SMAD2: variants seen among roughly 807,000 people sequenced by gnomAD.
The protein encoded by SMAD2 is MAD homolog 2.
Under a neutral mutation model 64.4 loss-of-function variants are expected in SMAD2, and 8 were observed. The ratio of observed to expected loss-of-function variants is 0.12; its 90% CI spans 0.07 to 0.22. The LOEUF (loss-of-function observed/expected upper bound fraction) is 0.22, where lower values mean the gene tolerates loss of function less well. Among genes scored for constraint, SMAD2 ranks in the 10% least tolerant of loss-of-function variants. The pLI is 1.00. For missense variants in SMAD2, 289 were observed against 561.2 expected, an observed-to-expected ratio of 0.51 and a Z score of 4.90; for synonymous variants, 203 against 195.8, an observed-to-expected ratio of 1.04 and a Z score of -0.31.
chr18:47,866,671 T>C (rs990125924), intron 5 of SMAD2, among the ~76,000 whole-genome samples: 3 of 152,182 alleles, frequency 2.0e-5, no homozygotes, highest in African/African-American at 7.2e-5. Flanking sequence ...TTTTCCATTA[T>C]TGTAATAAAT....
intron 2 of SMAD2, among the ~76,000 whole-genome samples, chr18:47,892,739 T>C (rs1187162179): frequency 6.6e-6 from 1 of 152,316 alleles, no homozygotes; most frequent in South Asian, 2.1e-4. Flanking sequence ...GAAAAAATGA[T>C]ACTGAAACAA....
rs2033705931 is a variant in SMAD2, at chr18:47,902,022, A to G, written c.-53-5213T>C. Reference sequence around the variant, plus strand: ...ATCTTTATCTCAACACCATAGGACTAGAAAATATCCCAATCTCCTTTTCTG... The same window carrying G: ...ATCTTTATCTCAACACCATAGGACTGGAAAATATCCCAATCTCCTTTTCTG... On this transcript the variant is annotated intron_variant, in intron 1 of 10. Transcript: ENST00000262160. Among the ~76,000 whole-genome samples, 2 of 152,166 alleles carry G rather than the reference A, an allele frequency of 1.3e-5. 1 individual carries two copies. The highest frequency in any genetic ancestry group is 2.9e-5 in the Non-Finnish European group (2 of 68,024).
chr18:47,865,233 A>C, intron 5 of SMAD2, 100 bp from the exon 6 acceptor site: 1 of 699,430 alleles, frequency 1.4e-6, no homozygotes, highest in East Asian at 2.7e-5. Flanking sequence ...CAAATAACAA[A>C]TAATAATGTT....
chr18:47,908,341 G>C (rs948604), intron 1 of SMAD2, among the ~76,000 whole-genome samples: 1 of 151,926 alleles, frequency 6.6e-6, no homozygotes. Flanking sequence ...TAATTGACCC[G>C]TGGACAACAT....
rs534227911 is a variant in SMAD2 at position 47,846,068 on chromosome 18, T to C, written c.998-268A>G. Among the ~76,000 whole-genome samples the C allele has an allele frequency of 2.0e-5, 3 of 152,278 alleles. No individual in the cohort carries two copies. In the East Asian group the frequency reaches 5.8e-4, roughly 29 times the overall value. On this transcript the variant is annotated intron_variant, in intron 8 of 10. Transcript: ENST00000262160. ...AGAAAAAGTACACATAGTAAAATAGTTTCATACAAATGATATATATTAAGA... is the reference window on the plus strand; with the variant it reads ...AGAAAAAGTACACATAGTAAAATAGCTTCATACAAATGATATATATTAAGA...
chr18:47,832,140 C>CCAAA lies in SMAD2; in HGVS notation c.*9683_*9686dup, dbSNP rs1188410797. The CCAAA allele has an allele frequency of 6.6e-6, 1 of 152,134 alleles. No individual in the cohort carries two copies. The highest frequency in any genetic ancestry group is 6.6e-5 in the Admixed American group (1 of 15,264). The allele number at this position is 152,134 out of a possible 1,614,324, so 9.4% of individuals were successfully genotyped here. On this transcript the variant is annotated 3_prime_UTR_variant, in exon 11 of 11. Transcript: ENST00000262160. Reference sequence around the variant, plus strand: ...AGAATATGCCAAGTGGGGAGACAGCCCAAACATAGACCTTAATACTTCTCT... The same window carrying CCAAA: ...AGAATATGCCAAGTGGGGAGACAGCCCAAACAAACATAGACCTTAATACTTCTCT...
intron 6 of SMAD2, 129 bp downstream of exon 6, chr18:47,864,930 T>C: frequency 4.4e-6 from 3 of 678,656 alleles, no homozygotes; most frequent in Admixed American, 2.1e-5. Flanking sequence ...TAAATCAAGA[T>C]AGAAGATCAT....
chr18:47,869,134 A>T, intron 4 of SMAD2, 109 bp downstream of exon 4: 5 of 764,234 alleles, frequency 6.5e-6, no homozygotes, highest in Non-Finnish European at 1.1e-5. Context: ...AATTTAAGGT[A>T]ATTTATTAGA....
chr18:47,907,199 G>GT (rs1374156382), intron 1 of SMAD2, among the ~76,000 whole-genome samples: 2 of 152,102 alleles, frequency 1.3e-5, no homozygotes, highest in Non-Finnish European at 2.9e-5. Flanking sequence ...AAATAAATAC[G>GT]TATGTCCACA....
intron 1 of SMAD2, among the ~76,000 whole-genome samples, chr18:47,928,932 A>G (rs1044778838): frequency 2.6e-5 from 4 of 152,244 alleles, no homozygotes; most frequent in Non-Finnish European, 5.9e-5. Context: ...ATGCCGAAAG[A>G]TGTGAACTAT....
intron 2 of SMAD2, among the ~76,000 whole-genome samples, chr18:47,892,443 G>A (rs538824601): frequency 6.6e-6 from 1 of 152,248 alleles, no homozygotes; most frequent in East Asian, 1.9e-4. Flanking sequence ...CAGGTGATCT[G>A]CCTGCCTCGG....
rs1219507365 is a variant in SMAD2 at position 47,903,864 on chromosome 18, GAAAAA to G, written c.-53-7060_-53-7056del. On this transcript the variant is annotated intron_variant, in intron 1 of 10. Transcript: ENST00000262160. ...GTATGCAAATTGAAACACAAAGAGG[GAAAAA>G]ACAGTGTGGGGGGGGGGGGGACTCA... Among the ~76,000 whole-genome samples the G allele has an allele frequency of 4.7e-4, 28 of 59,734 alleles. No homozygotes were observed. In the East Asian group the frequency reaches 0.028, roughly 59 times the overall value. The allele number at this position is 59,734 out of a possible 152,430, so 39.2% of individuals were successfully genotyped here.
Position 47,837,707 on chromosome 18 carries a change from AG to A in SMAD2, c.*4119del, listed in dbSNP as rs1913563455. On this transcript the variant is annotated 3_prime_UTR_variant, in exon 11 of 11. Coordinates refer to ENST00000262160, the MANE Select transcript of SMAD2 (RefSeq NM_005901.6). ...GATTTAGCAAAGTAAAGCATATGAA[AG>A]GAAGAAATGTTTGATATGTCTAAGT... The A allele has an allele frequency of 4.3e-6, 1 of 233,200 alleles. No individual in the cohort carries two copies. The allele number at this position is 233,200 out of a possible 1,614,324, so 14.4% of individuals were successfully genotyped here.
At chr18:47,905,017 G>A (rs186471496) in intron 1 of SMAD2, among the ~76,000 whole-genome samples, 3 of 152,064 alleles carry the variant, frequency 2.0e-5, no homozygotes, top group African/African-American at 7.2e-5. Context: ...TTGTAGACAG[G>A]ACAACTATGC....
chr18:47,850,053 GTAT>G (rs2093064584), intron 7 of SMAD2, among the ~76,000 whole-genome samples: 2 of 147,666 alleles, frequency 1.4e-5, no homozygotes, highest in African/African-American at 5.0e-5. Flanking sequence ...TTTTACTGTC[GTAT>G]TGTTATTTTC....
intron 8 of SMAD2, among the ~76,000 whole-genome samples, chr18:47,847,302 C>T (rs1290961587): frequency 6.6e-6 from 1 of 152,092 alleles, no homozygotes; most frequent in Non-Finnish European, 1.5e-5. Context: ...CTTCTAGTCA[C>T]TATCATTTTG....
At position 47,825,446 on chromosome 18, in the gene SMAD2, GTT is replaced by G. The variant is rs1912717707; in HGVS notation, c.*16379_*16380del. ...GGGTTGTTAAAAAGAGACTTGTTTG[GTT>G]GTTGTGAACAAGTGGGTTGTTTGCA... On this transcript the variant is annotated 3_prime_UTR_variant, in exon 11 of 11. Transcript: ENST00000262160. 1 of 152,378 alleles carries G rather than the reference GTT, an allele frequency of 6.6e-6. No homozygotes were observed. The highest frequency in any genetic ancestry group is 6.5e-5 in the Admixed American group (1 of 15,302). 9.4% of individuals were successfully genotyped at this position (152,378 alleles called of 1,614,324 possible).
intron 6 of SMAD2, among the ~76,000 whole-genome samples, chr18:47,856,596 A>G (rs968105407): frequency 2.0e-5 from 3 of 152,154 alleles, no homozygotes; most frequent in African/African-American, 7.2e-5. Context: ...AGCCTCAGCA[A>G]TATGTATCAA....
chr18:47,914,798 T>C (rs2034272848), intron 1 of SMAD2, among the ~76,000 whole-genome samples: 1 of 152,166 alleles, frequency 6.6e-6, no homozygotes. Context: ...TCCTTATTTT[T>C]CAGATGTGTA....
Sources: allele counts gnomAD v4.1 joint callset (sites outside exome capture counted in the v4.1 genomes callset), GRCh38; gene constraint gnomAD v4.1.1; transcripts MANE v1.5; gene names NCBI Gene and HGNC (gene_info 2026-07-23, HGNC 2026-07-21).